The following SPMIP7 variants were observed in gnomAD, a reference collection of about 807,000 sequenced individuals.
The protein encoded by SPMIP7 is sperm microtubule inner protein 7.
chr7:50,120,170 A>G, the SPMIP7 span: 1 of 152,166 alleles, frequency 6.6e-6, no homozygotes, highest in Admixed American at 6.5e-5. Context: ...TTCCATAATC[A>G]AAGGCCAAAG....
chr7:50,108,795 A>G, the SPMIP7 span, among the ~76,000 whole-genome samples: 2 of 152,186 alleles, frequency 1.3e-5, no homozygotes, highest in African/African-American at 4.8e-5. Flanking sequence ...AATTAGAAAA[A>G]AGTTAATGAC....
At chr7:50,133,934 A>G in the SPMIP7 span, among the ~76,000 whole-genome samples, 1 of 152,124 alleles carries the variant, frequency 6.6e-6, no homozygotes, top group Non-Finnish European at 1.5e-5. Context: ...CTACCTCATC[A>G]TAATCACTTG....
At chr7:50,105,991 T>C in the SPMIP7 span, among the ~76,000 whole-genome samples, 7 of 152,324 alleles carry the variant, frequency 4.6e-5, no homozygotes, top group South Asian at 1.4e-3. Context: ...ACTAGAATTC[T>C]GAAGTAGGAA....
chr7:50,122,225 T>C, the SPMIP7 span, among the ~76,000 whole-genome samples: 4 of 152,168 alleles, frequency 2.6e-5, no homozygotes, highest in Non-Finnish European at 5.9e-5. Flanking sequence ...TGAAAGCATG[T>C]GATAAACTAA....
the SPMIP7 span, among the ~76,000 whole-genome samples, chr7:50,139,157 T>G: frequency 6.6e-6 from 1 of 152,128 alleles, no homozygotes; most frequent in African/African-American, 2.4e-5. Context: ...GAGACCATCC[T>G]GGCCAACGTG....
chr7:50,152,326 CAG>C, the SPMIP7 span, among the ~76,000 whole-genome samples: 2 of 151,984 alleles, frequency 1.3e-5, no homozygotes, highest in Non-Finnish European at 2.9e-5. Flanking sequence ...GACTGGGCAA[CAG>C]AGTGAGACTC....
At chr7:50,138,978 G>A in the SPMIP7 span, among the ~76,000 whole-genome samples, 5 of 152,134 alleles carry the variant, frequency 3.3e-5, no homozygotes, top group African/African-American at 1.2e-4. Flanking sequence ...TTTGCCAAAT[G>A]TGTAAAATAC....
the SPMIP7 span, among the ~76,000 whole-genome samples, chr7:50,153,031 C>G: frequency 2.0e-5 from 3 of 152,016 alleles, no homozygotes; most frequent in African/African-American, 7.2e-5. Context: ...AGGCACTGTT[C>G]AAGACACTGA....
At chr7:50,142,306 G>C in the SPMIP7 span, among the ~76,000 whole-genome samples, 1 of 152,028 alleles carries the variant, frequency 6.6e-6, no homozygotes, top group Non-Finnish European at 1.5e-5. Context: ...ATATTATTTG[G>C]GGTCATTTCT....
the SPMIP7 span, among the ~76,000 whole-genome samples, chr7:50,118,320 T>C: frequency 1.3e-5 from 2 of 152,186 alleles, no homozygotes; most frequent in Non-Finnish European, 2.9e-5. Context: ...CAACTCATCA[T>C]GTAACAGACA....
chr7:50,151,522 A>G, the SPMIP7 span: 2 of 1,551,604 alleles, frequency 1.3e-6, no homozygotes, highest in East Asian at 2.4e-5. Flanking sequence ...CTAATATTCC[A>G]TCAACAACCC....
the SPMIP7 span, among the ~76,000 whole-genome samples, chr7:50,109,287 T>A: frequency 2.6e-5 from 4 of 152,184 alleles, no homozygotes; most frequent in East Asian, 7.7e-4. Flanking sequence ...ATGAAATAAA[T>A]ATTAGCCTAA....
At chr7:50,107,386 GA>G in the SPMIP7 span, among the ~76,000 whole-genome samples, 11 of 47,376 alleles carry the variant, frequency 2.3e-4, no homozygotes, top group South Asian at 9.7e-4. Context: ...AAAAAAAAAA[GA>G]AAAGAAAAGA....
chr7:50,115,802 T>C, the SPMIP7 span, among the ~76,000 whole-genome samples: 1 of 152,160 alleles, frequency 6.6e-6, no homozygotes, highest in East Asian at 1.9e-4. Context: ...GAAAAAAAAT[T>C]GACAAAAAGG....
the SPMIP7 span, among the ~76,000 whole-genome samples, chr7:50,143,897 C>T: frequency 6.6e-6 from 1 of 152,146 alleles, no homozygotes; most frequent in Non-Finnish European, 1.5e-5. Flanking sequence ...ATTATGGGTA[C>T]ATGTTTTTAT....
At chr7:50,148,475 C>G in the SPMIP7 span, among the ~76,000 whole-genome samples, 1 of 152,148 alleles carries the variant, frequency 6.6e-6, no homozygotes, top group Non-Finnish European at 1.5e-5. Flanking sequence ...CAGGATATGA[C>G]TTTAGAGGCA....
At chr7:50,114,524 T>A in the SPMIP7 span, among the ~76,000 whole-genome samples, 72 of 151,792 alleles carry the variant, frequency 4.7e-4, no homozygotes, top group Non-Finnish European at 8.1e-4. Context: ...AAGAAAAAAA[T>A]TTTTAAAGCA....
chr7:50,134,032 C>T, the SPMIP7 span: 2 of 1,290,422 alleles, frequency 1.5e-6, no homozygotes, highest in Non-Finnish European at 2.1e-6. Flanking sequence ...ATTCTCTTAT[C>T]ATAGTATCAT....
chr7:50,113,686 G>A, the SPMIP7 span, among the ~76,000 whole-genome samples: 4 of 151,888 alleles, frequency 2.6e-5, no homozygotes, highest in South Asian at 2.1e-4. Flanking sequence ...ACTGCGGAAC[G>A]GTATCTAGTA....
Sources: gnomAD v4.1 joint callset for allele counts (sites outside exome capture counted in the v4.1 genomes callset) on GRCh38, gnomAD v4.1.1 for gene constraint, MANE v1.5 for transcripts, NCBI Gene and HGNC (gene_info 2026-07-23, HGNC 2026-07-21) for gene names.